The following KIF16B variants were observed in gnomAD, a reference collection of about 807,000 sequenced individuals.
KIF16B encodes the protein kinesin family member 16B, also known as kinesin-like protein KIF16B.
Under a neutral mutation model 156.3 loss-of-function variants are expected in KIF16B, and 98 were observed. The observed-to-expected ratio is 0.63, with a 90% confidence interval of 0.53 to 0.74. KIF16B has a LOEUF of 0.74. KIF16B is among the 30% of genes least tolerant of loss of function. The probability of loss-of-function intolerance (pLI) is 0.00; values close to 1 mark genes in which losing one functional copy is unlikely to be tolerated. For synonymous variants in KIF16B, 564 were observed against 583.7 expected (o/e 0.97, Z 0.49); for missense variants, 1,421 against 1,606.5 (o/e 0.88, Z 1.97).
At chr20:16,450,334 T>A (rs1393854631) in intron 12 of KIF16B, among the ~76,000 whole-genome samples, 1 of 152,262 alleles carries the variant, frequency 6.6e-6, no homozygotes, top group Non-Finnish European at 1.5e-5. Context: ...AAGCCCCAAC[T>A]CTACCATGTA....
At chr20:16,468,367 T>C (rs999900616) in intron 12 of KIF16B, among the ~76,000 whole-genome samples, 1 of 151,322 alleles carries the variant, frequency 6.6e-6, no homozygotes, top group Non-Finnish European at 1.5e-5. Flanking sequence ...AGGTCAAGAG[T>C]TCGAGACCAG....
chr20:16,383,392 G>A (rs1162976853), intron 17 of KIF16B, among the ~76,000 whole-genome samples: 1 of 152,100 alleles, frequency 6.6e-6, no homozygotes. Flanking sequence ...CTCAGTTTAT[G>A]AGCAATGTTC....
chr20:16,361,264 T>C (rs1051908482), intron 22 of KIF16B, among the ~76,000 whole-genome samples: 20 of 152,246 alleles, frequency 1.3e-4, no homozygotes, highest in African/African-American at 4.6e-4. Flanking sequence ...AAAATGGAGA[T>C]TTGGGGAAAG....
At chr20:16,353,517 G>A (rs975809036) in intron 23 of KIF16B, among the ~76,000 whole-genome samples, 10 of 151,954 alleles carry the variant, frequency 6.6e-5, no homozygotes, top group Admixed American at 6.6e-4. Flanking sequence ...TTAGTATGTG[G>A]CAGGCACTGT....
rs142452187 is a variant in KIF16B at position 16,437,576 on chromosome 20, G to A, written c.1303-7594C>T. On this transcript the variant is annotated intron_variant, in intron 12 of 25. Transcript: ENST00000354981. ...TGGATTCTATGTGACTAACAGTTTC[G>A]GTTGATGGACATTAAGTAAAGACAT... 2.7e-3 allele frequency among the ~76,000 whole-genome samples: 402 copies of A among 151,444 alleles called. 5 individuals are homozygous for A. Among genetic ancestry groups the A allele is most frequent in the Admixed American group, 0.024 (370 of 15,136 alleles).
intron 25 of KIF16B, among the ~76,000 whole-genome samples, chr20:16,309,296 T>G (rs1361796485): frequency 6.6e-6 from 1 of 152,168 alleles, no homozygotes; most frequent in African/African-American, 2.4e-5. Context: ...CAATTTATAC[T>G]CCTCTACTTA....
chr20:16,433,816 T>C (rs1431088259), intron 12 of KIF16B, among the ~76,000 whole-genome samples: 1 of 152,172 alleles, frequency 6.6e-6, no homozygotes, highest in Non-Finnish European at 1.5e-5. Context: ...GTTTAAATCA[T>C]TGCTCAAGCG....
intron 17 of KIF16B, among the ~76,000 whole-genome samples, chr20:16,384,017 G>A (rs893392082): frequency 6.6e-6 from 1 of 152,202 alleles, no homozygotes; most frequent in African/African-American, 2.4e-5. Context: ...GACAAAGCAG[G>A]AAACTGAGGC....
intron 12 of KIF16B, among the ~76,000 whole-genome samples, chr20:16,479,112 A>T (rs1293558691): frequency 6.6e-6 from 1 of 152,240 alleles, no homozygotes; most frequent in African/African-American, 2.4e-5. Context: ...AGACATAAGT[A>T]GATCTCATAA....
chr20:16,492,215 C>T (rs6044024), intron 12 of KIF16B, among the ~76,000 whole-genome samples: 34,315 of 152,032 alleles, frequency 0.23, 4,416 homozygotes, highest in East Asian at 0.34. Context: ...GGAAAGGATA[C>T]AGATACAAAC....
At chr20:16,498,212 C>T (rs1037669777) in intron 10 of KIF16B, among the ~76,000 whole-genome samples, 1 of 152,046 alleles carries the variant, frequency 6.6e-6, no homozygotes, top group Non-Finnish European at 1.5e-5. Flanking sequence ...ATGATAAATA[C>T]CAAAATCAGT....
chr20:16,572,479 A>G (rs1216543699), intron 1 of KIF16B, among the ~76,000 whole-genome samples: 1 of 152,218 alleles, frequency 6.6e-6, no homozygotes, highest in Non-Finnish European at 1.5e-5. Flanking sequence ...AGTCAAACCA[A>G]TTTAAAAAGT....
intron 19 of KIF16B, among the ~76,000 whole-genome samples, chr20:16,377,253 T>G (rs1205770432): frequency 6.6e-6 from 1 of 152,054 alleles, no homozygotes; most frequent in Non-Finnish European, 1.5e-5. Flanking sequence ...CTCTCCAATC[T>G]GAGCTTCAGT....
chr20:16,432,829 C>G (rs567182841), intron 12 of KIF16B, among the ~76,000 whole-genome samples: 1 of 152,112 alleles, frequency 6.6e-6, no homozygotes, highest in African/African-American at 2.4e-5. Flanking sequence ...TAAATAGATA[C>G]GCAGAGAAAA....
intron 1 of KIF16B, among the ~76,000 whole-genome samples, chr20:16,545,252 C>T (rs1245388123): frequency 2.6e-5 from 4 of 152,012 alleles, no homozygotes. Context: ...AAATTTAGGC[C>T]GGGTGCAGTG....
At chr20:16,368,770 A>ATTTC in intron 22 of KIF16B, 1 of 985,804 alleles carries the variant, frequency 1.0e-6, no homozygotes, top group Non-Finnish European at 1.2e-6. Context: ...TTCAGACAGA[A>ATTTC]CCAAGCAGAG....
intron 17 of KIF16B, among the ~76,000 whole-genome samples, chr20:16,386,209 TAC>T (rs2065225796): frequency 6.6e-6 from 1 of 152,082 alleles, no homozygotes; most frequent in South Asian, 2.1e-4. Flanking sequence ...TCAGAAAGAT[TAC>T]AGACTTCACA....
At position 16,272,952 on chromosome 20, in the gene KIF16B, A is replaced by C. The variant is rs2063003253; in HGVS notation, c.*301T>G. ...AACCCACGATGGCCCAACCACATCT[A>C]TCTTGCCACAGGGGACGAACTTTGC... On this transcript the variant is annotated 3_prime_UTR_variant, in exon 26 of 26. Coordinates refer to ENST00000354981, the MANE Select transcript of KIF16B (RefSeq NM_024704.5). 1 of 259,292 alleles carries C rather than the reference A, an allele frequency of 3.9e-6. No individual in the cohort carries two copies. The highest frequency in any genetic ancestry group is 2.2e-5 in the African/African-American group (1 of 45,048). The allele number at this position is 259,292 out of a possible 1,614,324, so 16.1% of individuals were successfully genotyped here.
chr20:16,469,917 C>T (rs2067611852), intron 12 of KIF16B, among the ~76,000 whole-genome samples: 1 of 152,022 alleles, frequency 6.6e-6, no homozygotes, highest in African/African-American at 2.4e-5. Flanking sequence ...ATCGTGGAAG[C>T]AACCCAAAAG....
Sources: allele counts gnomAD v4.1 joint callset (sites outside exome capture counted in the v4.1 genomes callset), GRCh38; gene constraint gnomAD v4.1.1; transcripts MANE v1.5; gene names NCBI Gene and HGNC (gene_info 2026-07-23, HGNC 2026-07-21).